The following CARMIL1 variants were observed in gnomAD, a reference collection of about 807,000 sequenced individuals.
CARMIL1 encodes the protein capping protein regulator and myosin 1 linker 1, also known as F-actin-uncapping protein LRRC16A.
In CARMIL1, 90 loss-of-function variants were observed where a neutral mutation model predicts 177.1. The observed-to-expected ratio is 0.51, with a 90% CI of 0.43 to 0.61. The LOEUF (loss-of-function observed/expected upper bound fraction) is 0.61, where lower values mean the gene tolerates loss of function less well. Ranked by LOEUF, CARMIL1 falls within the 20% of genes least tolerant of loss-of-function variation. The pLI, the probability that CARMIL1 is intolerant of heterozygous loss-of-function variation, is 0.00. For missense variants in CARMIL1, 1,380 were observed against 1,667.0 expected (o/e 0.83, Z 3.00); for synonymous variants, 577 against 606.2 (o/e 0.95, Z 0.71).
In CARMIL1 at chr6:25,413,239, T is replaced by C. The variant is rs183861745; in HGVS notation, c.139-6875T>C. On this transcript the variant is annotated intron_variant, in intron 2 of 36. Coordinates refer to ENST00000329474, the MANE Select transcript of CARMIL1 (RefSeq NM_017640.6). ...GGGAAAGTATTAAGAGGGGGAATGA[T>C]GGCATTCATCATTTAGTTTGCTTGC... Among the ~76,000 whole-genome samples, 917 of 152,344 alleles carry C rather than the reference T, an allele frequency of 6.0e-3. 15 individuals are homozygous for C. The highest frequency in any genetic ancestry group is 0.021 in the African/African-American group (861 of 41,576).
chr6:25,603,833 C>A (rs1268036025), intron 33 of CARMIL1, among the ~76,000 whole-genome samples: 1 of 152,090 alleles, frequency 6.6e-6, no homozygotes, highest in Admixed American at 6.5e-5. Context: ...ACTTTCTAAA[C>A]TTTCTACTCC....
chr6:25,307,518 A>T (rs1783373569), intron 2 of CARMIL1, among the ~76,000 whole-genome samples: 1 of 152,246 alleles, frequency 6.6e-6, no homozygotes, highest in Non-Finnish European at 1.5e-5. Flanking sequence ...TAAAAAAGAG[A>T]TCCATTTACA....
intron 23 of CARMIL1, among the ~76,000 whole-genome samples, chr6:25,526,310 T>G (rs1807128711): frequency 2.0e-5 from 3 of 150,902 alleles, no homozygotes; most frequent in African/African-American, 7.3e-5. Context: ...GCCACTGCCC[T>G]CCAGCCTGGG....
chr6:25,380,590 A>T (rs79695080), intron 2 of CARMIL1, among the ~76,000 whole-genome samples: 2 of 152,128 alleles, frequency 1.3e-5, no homozygotes, highest in African/African-American at 4.8e-5. Context: ...ACTAAAAAAA[A>T]CTTATACCTC....
chr6:25,300,533 C>G (rs1782775032), intron 2 of CARMIL1, among the ~76,000 whole-genome samples: 1 of 149,732 alleles, frequency 6.7e-6, no homozygotes, highest in Non-Finnish European at 1.5e-5. Flanking sequence ...CTTGTAATCC[C>G]AGCTATTTGG....
chr6:25,512,928 A>G (rs1805599735), intron 20 of CARMIL1, among the ~76,000 whole-genome samples: 1 of 152,230 alleles, frequency 6.6e-6, no homozygotes, highest in African/African-American at 2.4e-5. Context: ...ATGTTCAGCT[A>G]TGAAAAAGAA....
chr6:25,419,629 T>C (rs1415386724), intron 2 of CARMIL1, among the ~76,000 whole-genome samples: 2 of 152,176 alleles, frequency 1.3e-5, no homozygotes, highest in Non-Finnish European at 2.9e-5. Context: ...AAGCTTAGCC[T>C]GATTTTGCTC....
rs187692251 is a variant in CARMIL1, at chr6:25,412,913, A to T, written c.139-7201A>T. On this transcript the variant is annotated intron_variant, in intron 2 of 36. Transcript: ENST00000329474. ...AAGCTCTAATTTTGAAAAGGATTTT[A>T]AGTCAGGAATTAAATTAAAATGTAC... Among the ~76,000 whole-genome samples, 650 of 152,296 alleles carry T rather than the reference A, an allele frequency of 4.3e-3. 2 individuals are homozygous for T. Among genetic ancestry groups the T allele is most frequent in the Non-Finnish European group, 6.4e-3 (437 of 68,024 alleles).
intron 21 of CARMIL1, among the ~76,000 whole-genome samples, chr6:25,516,325 T>C (rs1266739849): frequency 6.6e-6 from 1 of 152,210 alleles, no homozygotes; most frequent in Non-Finnish European, 1.5e-5. Context: ...GGGTGCTAGC[T>C]GTTCTCTTTA....
chr6:25,408,815 A>AT (rs1042998964), intron 2 of CARMIL1, among the ~76,000 whole-genome samples: 3 of 145,604 alleles, frequency 2.1e-5, no homozygotes, highest in Non-Finnish European at 4.5e-5. Flanking sequence ...CTGTCTCTAC[A>AT]TAAAATAGAA....
At chr6:25,546,391 A>C (rs934033988) in intron 26 of CARMIL1, among the ~76,000 whole-genome samples, 1 of 152,166 alleles carries the variant, frequency 6.6e-6, no homozygotes, top group African/African-American at 2.4e-5. Flanking sequence ...TAAGGTTTCT[A>C]GAGGTAGAGC....
Position 25,600,434 on chromosome 6 carries a change from C to T in CARMIL1, c.3240C>T (p.Ser1080=), listed in dbSNP as rs372449996. The T allele has an allele frequency of 1.4e-4, 227 of 1,613,902 alleles. 6 individuals carry two copies. The highest frequency in any genetic ancestry group is 9.1e-4 in the East Asian group (41 of 44,878). The change falls in exon 33 of 37, where the codon TCC becomes TCT. Residue 1080 remains serine (S), a synonymous_variant. Transcript: ENST00000329474. ...FLNLIKSRSK[S]ERPPTILMTE... ...ATTTAATCAAATCCCGGTCCAAATCCGAGCGACCACCAACGATCTTGATGA... is the reference window on the plus strand; with the variant it reads ...ATTTAATCAAATCCCGGTCCAAATCTGAGCGACCACCAACGATCTTGATGA...
intron 23 of CARMIL1, among the ~76,000 whole-genome samples, chr6:25,525,617 A>AT (rs1311054517): frequency 3.3e-5 from 5 of 152,156 alleles, no homozygotes; most frequent in Non-Finnish European, 5.9e-5. Flanking sequence ...ATAGATGACT[A>AT]TTTTTTCAGA....
chr6:25,432,035 A>G (rs1205447859), intron 4 of CARMIL1, among the ~76,000 whole-genome samples: 1 of 152,160 alleles, frequency 6.6e-6, no homozygotes, highest in Non-Finnish European at 1.5e-5. Flanking sequence ...TTTCAGCAGT[A>G]CCCTTCTCTC....
intron 2 of CARMIL1, among the ~76,000 whole-genome samples, chr6:25,323,047 C>T (rs535642076): frequency 2.6e-4 from 39 of 152,238 alleles, no homozygotes; most frequent in African/African-American, 9.4e-4. Context: ...CCTCCCTATT[C>T]TTGGTTGTTT....
chr6:25,466,670 A>G lies in CARMIL1; in HGVS notation c.690+722A>G, dbSNP rs140233666. 1.8e-4 allele frequency among the ~76,000 whole-genome samples: 28 copies of G among 152,292 alleles called. No homozygotes were observed. The East Asian group carries it at 5.4e-3, about 29-fold the overall frequency. On this transcript the variant is annotated intron_variant, in intron 9 of 36. Transcript: ENST00000329474. ...AGAGGTCATAGAATCTAGGGGTTTA[A>G]GATTTTCATAGTGAATACATCAGAC...
chr6:25,470,506 T>C (rs1332991947), intron 9 of CARMIL1, among the ~76,000 whole-genome samples: 1 of 152,248 alleles, frequency 6.6e-6, no homozygotes, highest in Non-Finnish European at 1.5e-5. Flanking sequence ...TGCACCTATA[T>C]GTATGCATAG....
At chr6:25,311,951 G>A (rs1306563738) in intron 2 of CARMIL1, among the ~76,000 whole-genome samples, 1 of 152,188 alleles carries the variant, frequency 6.6e-6, no homozygotes, top group East Asian at 1.9e-4. Context: ...TTTTCTCTTA[G>A]TCAATAAAAG....
chr6:25,368,477 A>G (rs1790066795), intron 2 of CARMIL1, among the ~76,000 whole-genome samples: 1 of 152,170 alleles, frequency 6.6e-6, no homozygotes, highest in African/African-American at 2.4e-5. Context: ...GACAGCTAAC[A>G]CCTCCTGATA....
Sources: gnomAD v4.1 joint callset for allele counts (sites outside exome capture counted in the v4.1 genomes callset) on GRCh38, gnomAD v4.1.1 for gene constraint, MANE v1.5 for transcripts, NCBI Gene and HGNC (gene_info 2026-07-23, HGNC 2026-07-21) for gene names.